Variants in TFRC observed in about 807,000 individuals in gnomAD.
TFRC encodes the protein transferrin receptor protein 1.
Under a neutral mutation model 85.8 loss-of-function variants are expected in TFRC, and 35 were observed. That is an observed-to-expected ratio of 0.41 (90% CI 0.31 to 0.54). The LOEUF (loss-of-function observed/expected upper bound fraction) is 0.54, where lower values mean the gene tolerates loss of function less well. Ranked by LOEUF, TFRC falls within the 20% of genes least tolerant of loss-of-function variation. The pLI, the probability that TFRC is intolerant of heterozygous loss-of-function variation, is 0.31. For synonymous variants in TFRC, 362 were observed against 328.6 expected, an observed-to-expected ratio of 1.10 and a Z score of -1.10; for missense variants, 828 against 921.5, an observed-to-expected ratio of 0.90 and a Z score of 1.31.
At chr3:196,058,860 A>C in intron 14 of TFRC, 1 of 299,806 alleles carries the variant, frequency 3.3e-6, no homozygotes, top group East Asian at 6.6e-5. Flanking sequence ...TTTTCTTCTT[A>C]ATTAACATTT....
intron 12 of TFRC, 82 bp from the exon 13 acceptor site, chr3:196,062,727 C>T: frequency 1.3e-6 from 2 of 1,539,926 alleles, no homozygotes; most frequent in African/African-American, 2.8e-5. Flanking sequence ...ATTTTCAATT[C>T]TGGACTCTAC....
intron 13 of TFRC, among the ~76,000 whole-genome samples, chr3:196,061,702 C>T (rs771949639): frequency 2.6e-5 from 4 of 152,118 alleles, no homozygotes; most frequent in African/African-American, 9.7e-5. Context: ...GTTGGCCAGG[C>T]TGGTCTCGAA....
In TFRC at chr3:196,055,288, G is replaced by A; in HGVS notation, c.1691C>T (p.Pro564Leu). 1 of 1,614,148 alleles carries A rather than the reference G, an allele frequency of 6.2e-7. No individual in the cohort carries two copies. Among genetic ancestry groups the A allele is most frequent in the Non-Finnish European group, 8.5e-7 (1 of 1,179,976 alleles). ...GGTGTCCATGGTGGTACCCAAATAA[G>A]GATAATCTGTGTCCTGCAAGACAAC... ...SFCFCEDTDY[P>L]YLGTTMDTYK... Residue 564 changes from proline (P) to leucine (L), a missense_variant, in exon 17 of 19, where the codon CCT (proline) becomes CTT (leucine). By Grantham distance (98) the Pro-to-Leu change is moderately conservative. Coordinates refer to ENST00000360110, the MANE Select transcript of TFRC (RefSeq NM_001128148.3).
At chr3:196,057,798 ACAAAAC>A (rs1255930821) in intron 16 of TFRC, among the ~76,000 whole-genome samples, 11 of 148,152 alleles carry the variant, frequency 7.4e-5, no homozygotes, top group African/African-American at 2.6e-4. Flanking sequence ...AAAAAAAAAA[ACAAAAC>A]AAAAAACAAA....
At chr3:196,064,183 G>C (rs1188495972) in intron 11 of TFRC, 126 bp downstream of exon 11, 1 of 1,044,228 alleles carries the variant, frequency 9.6e-7, no homozygotes, top group Non-Finnish European at 1.3e-6. Context: ...AATCTGCCTT[G>C]TATTTAAGAA....
chr3:196,071,971 T>G (rs770344871), intron 5 of TFRC, 32 bp downstream of exon 5: 2 of 1,595,462 alleles, frequency 1.3e-6, no homozygotes, highest in Middle Eastern at 1.8e-4. Flanking sequence ...TAGCTACTTG[T>G]ATAAAAATAA....
chr3:196,062,343 C>A, intron 13 of TFRC: 1 of 461,974 alleles, frequency 2.2e-6, no homozygotes, highest in South Asian at 2.6e-5. Context: ...ACCATCCTGG[C>A]CAACATAGTG....
At chr3:196,075,821 T>C (rs997760023) in intron 2 of TFRC, among the ~76,000 whole-genome samples, 7 of 151,954 alleles carry the variant, frequency 4.6e-5, no homozygotes, top group East Asian at 3.9e-4. Context: ...AAGCATAAGA[T>C]AGAAGACAGA....
At chr3:196,074,246 T>C in intron 3 of TFRC, 121 bp from the exon 4 acceptor site, 2 of 911,858 alleles carry the variant, frequency 2.2e-6, no homozygotes, top group Non-Finnish European at 3.3e-6. Context: ...CTAAGTAGTT[T>C]TAAAGTATAT....
intron 16 of TFRC, among the ~76,000 whole-genome samples, chr3:196,057,798 AC>A (rs1422246209): frequency 5.4e-5 from 8 of 148,150 alleles, no homozygotes; most frequent in Non-Finnish European, 8.9e-5. Context: ...AAAAAAAAAA[AC>A]AAAACAAAAA....
intron 13 of TFRC, among the ~76,000 whole-genome samples, chr3:196,061,466 G>A (rs1352733850): frequency 1.3e-5 from 2 of 151,974 alleles, no homozygotes; most frequent in Non-Finnish European, 2.9e-5. Flanking sequence ...TATTCCCCAA[G>A]GGTTGCCAAA....
rs745387949 is a variant in TFRC at position 196,072,051 on chromosome 3, C to T, written c.536G>A (p.Ser179Asn). 1.2e-5 allele frequency: 20 copies of T among 1,614,044 alleles called. No individual in the cohort carries two copies. The highest frequency in any genetic ancestry group is 5.3e-5 in the African/African-American group (4 of 74,924). Residue 179 changes from serine (S) to asparagine (N), a missense_variant, in exon 5 of 19, where the codon AGC becomes AAC. Ser to Asn is a conservative substitution (Grantham distance 46). Coordinates refer to ENST00000360110, the MANE Select transcript of TFRC (RefSeq NM_001128148.3). ...AAAATGTTGATCACGCCAGACTTTG[C>T]TGAGTTTAAATTCACGAAATTGATT... is the stretch of plus-strand genomic sequence containing the variant. ...VENQFREFKL[S>N]KVWRDQHFVK...
At chr3:196,054,683 T>C (rs903532450) in intron 17 of TFRC, among the ~76,000 whole-genome samples, 1 of 152,216 alleles carries the variant, frequency 6.6e-6, no homozygotes, top group Non-Finnish European at 1.5e-5. Flanking sequence ...AATAGAATAT[T>C]TGACTTTTAG....
intron 7 of TFRC, among the ~76,000 whole-genome samples, chr3:196,068,610 C>CAAAAAA (rs55807772): frequency 2.4e-4 from 10 of 41,834 alleles, no homozygotes; most frequent in East Asian, 9.2e-4. Flanking sequence ...AACTCCCTCT[C>CAAAAAA]AAAAAAAAAA....
intron 11 of TFRC, chr3:196,063,177 G>A (rs1717431107): frequency 2.4e-6 from 1 of 409,926 alleles, no homozygotes; most frequent in Non-Finnish European, 4.4e-6. Flanking sequence ...AGCAAGATAG[G>A]AGATCTGCAA....
chr3:196,061,164 T>C (rs955772598), intron 13 of TFRC, among the ~76,000 whole-genome samples: 1 of 152,212 alleles, frequency 6.6e-6, no homozygotes, highest in African/African-American at 2.4e-5. Flanking sequence ...TTAAATAACA[T>C]TCAAACCCTT....
chr3:196,067,081 A>G (rs1309514918), intron 9 of TFRC, among the ~76,000 whole-genome samples: 1 of 152,268 alleles, frequency 6.6e-6, no homozygotes, highest in Non-Finnish European at 1.5e-5. Flanking sequence ...AAGGCTTCTC[A>G]ATCTATAGAC....
chr3:196,067,976 A>T (rs1717872178), intron 8 of TFRC, 56 bp downstream of exon 8: 7 of 1,412,594 alleles, frequency 5.0e-6, no homozygotes, highest in Non-Finnish European at 6.9e-6. Context: ...CTAATACAGG[A>T]ATCCAAGAAC....
At position 196,065,431 on chromosome 3, in the gene TFRC, G is replaced by GGA; in HGVS notation, c.1198+11_1198+12insTC. Reference sequence around the variant, plus strand: ...AAAAAGCGGGGCGGGGGGGGGGGGGGGCGGTCTTTACCTGGTTCTACAAAG... The same window carrying GGA: ...AAAAAGCGGGGCGGGGGGGGGGGGGGGAGCGGTCTTTACCTGGTTCTACAAAG... On this transcript the variant is annotated intron_variant, in intron 10 of 18. Coordinates refer to ENST00000360110, the MANE Select transcript of TFRC (RefSeq NM_001128148.3). 2.1e-6 allele frequency: 1 copy of GGA among 468,612 alleles called. No individual in the cohort carries two copies. The highest frequency in any genetic ancestry group is 3.0e-6 in the Non-Finnish European group (1 of 338,932). The allele number at this position is 468,612 out of a possible 1,614,324, so 29.0% of individuals were successfully genotyped here.
Sources: allele counts gnomAD v4.1 joint callset (sites outside exome capture counted in the v4.1 genomes callset), GRCh38; gene constraint gnomAD v4.1.1; transcripts MANE v1.5; gene names NCBI Gene and HGNC (gene_info 2026-07-23, HGNC 2026-07-21).